The following CALCR variants were observed in gnomAD, a reference collection of about 807,000 sequenced individuals.
CALCR encodes the protein calcitonin receptor.
CALCR carries 47 observed loss-of-function variants against 59.5 expected under a neutral mutation model. That is an observed-to-expected ratio of 0.79 (90% CI 0.63 to 1.01). The LOEUF (loss-of-function observed/expected upper bound fraction) is 1.01. CALCR is among the 50% of genes least tolerant of loss of function. The pLI, the probability that CALCR is intolerant of heterozygous loss-of-function variation, is 0.00. For synonymous variants in CALCR, 213 were observed against 211.3 expected (o/e 1.01, Z -0.07); for missense variants, 566 against 597.1 (o/e 0.95, Z 0.54).
chr7:93,532,865 A>G (rs995477876), intron 2 of CALCR, among the ~76,000 whole-genome samples: 12 of 142,910 alleles, frequency 8.4e-5, no homozygotes, highest in African/African-American at 2.6e-4. Context: ...AAAAAAAAAT[A>G]CTTACTCAAC....
At position 93,425,643 on chromosome 7, in the gene CALCR, A is replaced by T. The variant is rs1260707083; in HGVS notation, c.*713T>A. On this transcript the variant is annotated 3_prime_UTR_variant, in exon 14 of 14. Transcript: ENST00000426151. Reference sequence around the variant, plus strand: ...AGCAACCAAAATACATTCAACATTAAGACCAATTCTTTACAACAGCTAGGT... The same window carrying T: ...AGCAACCAAAATACATTCAACATTATGACCAATTCTTTACAACAGCTAGGT... 2 of 152,240 alleles carry T rather than the reference A, an allele frequency of 1.3e-5. No homozygotes were observed. The highest frequency in any genetic ancestry group is 2.9e-5 in the Non-Finnish European group (2 of 68,038). The allele number at this position is 152,240 out of a possible 1,614,324, so 9.4% of individuals were successfully genotyped here. A position where few individuals can be genotyped will look rare whatever the true frequency, so the allele number is the denominator to read the frequency against.
intron 2 of CALCR, among the ~76,000 whole-genome samples, chr7:93,511,622 G>A (rs1801548329): frequency 6.6e-6 from 1 of 151,838 alleles, no homozygotes; most frequent in South Asian, 2.1e-4. Flanking sequence ...AAAAAAAATA[G>A]CAGATTCTTA....
Position 93,426,343 on chromosome 7 carries a change from G to C in CALCR, c.*13C>G, listed in dbSNP as rs1430584915. 1 of 1,428,146 alleles carries C rather than the reference G, an allele frequency of 7.0e-7. No individual in the cohort carries two copies. Among genetic ancestry groups the C allele is most frequent in the East Asian group, 2.3e-5 (1 of 43,824 alleles). The allele number at this position is 1,428,146 out of a possible 1,614,324, so 88.5% of individuals were successfully genotyped here. A position where few individuals can be genotyped will look rare whatever the true frequency, so the allele number is the denominator to read the frequency against. On this transcript the variant is annotated 3_prime_UTR_variant, in exon 14 of 14. Transcript: ENST00000426151. ...GATGGCTCAGTGATCACGATGCTGT[G>C]TTTGCTTCACATTCAAGCAGATGAC...
chr7:93,452,694 C>G (rs1194964938), intron 8 of CALCR, among the ~76,000 whole-genome samples: 1 of 151,828 alleles, frequency 6.6e-6, no homozygotes, highest in Non-Finnish European at 1.5e-5. Context: ...AAAACAAACA[C>G]TGGAGAAAAA....
At chr7:93,572,579 A>C (rs1477792770) in intron 2 of CALCR, among the ~76,000 whole-genome samples, 2 of 152,170 alleles carry the variant, frequency 1.3e-5, no homozygotes, top group African/African-American at 4.8e-5. Flanking sequence ...AACCAACAGT[A>C]GATAATATTT....
intron 13 of CALCR, among the ~76,000 whole-genome samples, chr7:93,431,034 T>C (rs1303365687): frequency 6.6e-6 from 1 of 152,176 alleles, no homozygotes; most frequent in African/African-American, 2.4e-5. Flanking sequence ...GATAGTGTTT[T>C]ACTAAAAGCT....
chr7:93,466,525 G>A (rs1049926669), intron 7 of CALCR, among the ~76,000 whole-genome samples: 2 of 151,656 alleles, frequency 1.3e-5, no homozygotes, highest in African/African-American at 4.8e-5. Flanking sequence ...TTTTTGGTTT[G>A]AATATTTGGC....
Position 93,568,174 on chromosome 7 carries a change from T to C in CALCR, c.-27+6115A>G, listed in dbSNP as rs376796533. Among the ~76,000 whole-genome samples, 94 of 152,256 alleles carry C rather than the reference T, an allele frequency of 6.2e-4. 1 individual carries two copies. Among genetic ancestry groups the C allele is most frequent in the Non-Finnish European group, 8.8e-5 (6 of 68,008 alleles). On this transcript the variant is annotated intron_variant, in intron 2 of 13. Coordinates refer to ENST00000426151, the MANE Select transcript of CALCR (RefSeq NM_001742.4). ...ACTCTAAAACAAGGGATATCAATCA[T>C]GATGTGATATGACATCTTTGTTGGG...
intron 8 of CALCR, among the ~76,000 whole-genome samples, chr7:93,447,061 T>TGG (rs1800018605): frequency 1.3e-5 from 2 of 152,050 alleles, no homozygotes; most frequent in Admixed American, 6.6e-5. Context: ...TTCAGTGCCC[T>TGG]TACTACCAGT....
intron 2 of CALCR, among the ~76,000 whole-genome samples, chr7:93,552,013 G>T (rs1029418874): frequency 2.0e-5 from 3 of 152,096 alleles, no homozygotes; most frequent in Non-Finnish European, 4.4e-5. Flanking sequence ...TGTCAATGTG[G>T]CAAAGAATGT....
chr7:93,509,174 C>A (rs927654124), intron 2 of CALCR, among the ~76,000 whole-genome samples: 1 of 151,988 alleles, frequency 6.6e-6, no homozygotes, highest in African/African-American at 2.4e-5. Flanking sequence ...AGAGGGATCC[C>A]GTAAGATTCC....
intron 5 of CALCR, among the ~76,000 whole-genome samples, chr7:93,472,781 C>T (rs571166739): frequency 1.1e-4 from 17 of 151,724 alleles, no homozygotes; most frequent in African/African-American, 4.1e-4. Flanking sequence ...AGGATTTAGA[C>T]CCAAAGACAT....
At chr7:93,487,832 T>A (rs1287429503) in intron 2 of CALCR, among the ~76,000 whole-genome samples, 3 of 151,138 alleles carry the variant, frequency 2.0e-5, no homozygotes, top group Non-Finnish European at 3.0e-5. Context: ...CCATAGAATT[T>A]ACCTATCCTT....
At chr7:93,523,454 CA>C (rs1198077154) in intron 2 of CALCR, among the ~76,000 whole-genome samples, 2 of 152,122 alleles carry the variant, frequency 1.3e-5, no homozygotes, top group Non-Finnish European at 1.5e-5. Flanking sequence ...TTATCGAGGG[CA>C]GAGACTGTGT....
chr7:93,425,972 G>GTT lies in CALCR; in HGVS notation c.*382_*383dup, dbSNP rs1799517170. 6.3e-6 allele frequency: 1 copy of GTT among 158,142 alleles called. No homozygotes were observed. The highest frequency in any genetic ancestry group is 1.4e-5 in the Non-Finnish European group (1 of 72,088). 9.8% of individuals were successfully genotyped at this position (158,142 alleles called of 1,614,324 possible). On this transcript the variant is annotated 3_prime_UTR_variant, in exon 14 of 14. Transcript: ENST00000426151. ...GAAATAATCTAATTCAAAATCCAGA[G>GTT]TTAAAAATAAAAATATTGACAGTGA...
intron 2 of CALCR, among the ~76,000 whole-genome samples, chr7:93,542,245 T>C (rs1425485629): frequency 6.6e-6 from 1 of 152,214 alleles, no homozygotes; most frequent in African/African-American, 2.4e-5. Flanking sequence ...TTGGATGGGA[T>C]ACCCTATTGC....
rs1416049842 is a variant in CALCR, at chr7:93,509,609, T to C, written c.-26-22602A>G. ...TCTAAATCTTTGGCCAAAGCAACATTTGGAATACTCACATATGTGGAGATT... is the reference window on the plus strand; with the variant it reads ...TCTAAATCTTTGGCCAAAGCAACATCTGGAATACTCACATATGTGGAGATT... On this transcript the variant is annotated intron_variant, in intron 2 of 13. Coordinates refer to ENST00000426151, the MANE Select transcript of CALCR (RefSeq NM_001742.4). Among the ~76,000 whole-genome samples the C allele has an allele frequency of 2.0e-5, 3 of 152,146 alleles. 1 individual carries two copies. In the South Asian group the frequency reaches 6.2e-4, roughly 32 times the overall value.
intron 3 of CALCR, among the ~76,000 whole-genome samples, chr7:93,485,817 G>C (rs1327145119): frequency 1.3e-5 from 2 of 151,424 alleles, no homozygotes; most frequent in Non-Finnish European, 3.0e-5. Flanking sequence ...AGGATAAAAT[G>C]ATAAGACAAA....
At chr7:93,552,380 G>A (rs1182974953) in intron 2 of CALCR, among the ~76,000 whole-genome samples, 1 of 152,122 alleles carries the variant, frequency 6.6e-6, no homozygotes, top group Non-Finnish European at 1.5e-5. Flanking sequence ...TTTATGTGAT[G>A]CCCTTTCCAA....
Sources: gnomAD v4.1 joint callset for allele counts (sites outside exome capture counted in the v4.1 genomes callset) on GRCh38, gnomAD v4.1.1 for gene constraint, MANE v1.5 for transcripts, NCBI Gene and HGNC (gene_info 2026-07-23, HGNC 2026-07-21) for gene names.